Variants in ENTPD7 observed in about 807,000 individuals in gnomAD.
ENTPD7 encodes the protein ectonucleoside triphosphate diphosphohydrolase 7.
In ENTPD7, 53 loss-of-function variants were observed where a neutral mutation model predicts 77.9. The observed-to-expected ratio is 0.68, with a 90% CI of 0.55 to 0.85. The LOEUF is 0.85. ENTPD7 is among the 40% of genes least tolerant of loss of function. The probability of loss-of-function intolerance (pLI) is 0.00; values close to 1 mark genes in which losing one functional copy is unlikely to be tolerated. For synonymous variants in ENTPD7, 248 were observed against 274.9 expected (o/e 0.90, Z 0.97); for missense variants, 636 against 743.7 (o/e 0.86, Z 1.68).
intron 11 of ENTPD7, among the ~76,000 whole-genome samples, chr10:99,701,906 G>T (rs745522796): frequency 6.6e-6 from 1 of 151,854 alleles, no homozygotes; most frequent in Non-Finnish European, 1.5e-5. Flanking sequence ...AAATTAGCAG[G>T]GTTTGGTGGC....
At chr10:99,691,124 C>A (rs1388899539) in intron 7 of ENTPD7, among the ~76,000 whole-genome samples, 1 of 151,220 alleles carries the variant, frequency 6.6e-6, no homozygotes, top group Admixed American at 6.6e-5. Context: ...GTAGCTGGGA[C>A]TACAGGTGTG....
At chr10:99,688,813 T>G in intron 7 of ENTPD7, 63 bp downstream of exon 7, 1 of 1,497,740 alleles carries the variant, frequency 6.7e-7, no homozygotes, top group South Asian at 1.2e-5. Flanking sequence ...TTATAACCTA[T>G]CAGTAGCATG....
chr10:99,698,935 TGCAAAGG>T, intron 10 of ENTPD7, 77 bp downstream of exon 10: 2 of 1,347,534 alleles, frequency 1.5e-6, no homozygotes, highest in East Asian at 2.3e-5. Context: ...CCAGGTGCTG[TGCAAAGG>T]GCTTTGCATA....
chr10:99,670,231 A>G (rs971278925), intron 3 of ENTPD7, among the ~76,000 whole-genome samples: 6 of 152,228 alleles, frequency 3.9e-5, no homozygotes, highest in African/African-American at 1.4e-4. Flanking sequence ...CAAGTGGCTA[A>G]TTAAATTTAA....
At position 99,705,557 on chromosome 10, in the gene ENTPD7, A is replaced by T. The variant is rs1266324032; in HGVS notation, c.*874A>T. 1 of 152,224 alleles carries T rather than the reference A, an allele frequency of 6.6e-6. No homozygotes were observed. Among genetic ancestry groups the T allele is most frequent in the East Asian group, 1.9e-4 (1 of 5,198 alleles). The allele number at this position is 152,224 out of a possible 1,614,324, so 9.4% of individuals were successfully genotyped here. On this transcript the variant is annotated 3_prime_UTR_variant, in exon 13 of 13. Coordinates refer to ENST00000370489, the MANE Select transcript of ENTPD7 (RefSeq NM_020354.5). ...CTGTTTTTGTGAGCCCTTACACAGG[A>T]AGATATAAAGAGAGTTCTTTCATTT... is the stretch of plus-strand genomic sequence containing the variant.
chr10:99,700,448 A>G (rs146409536), intron 10 of ENTPD7, among the ~76,000 whole-genome samples: 1,811 of 147,194 alleles, frequency 0.012, 49 homozygotes, highest in African/African-American at 0.044. Flanking sequence ...GTGTGTGTTT[A>G]TTGTCTGTCT....
At chr10:99,672,267 G>A (rs2133449333) in intron 3 of ENTPD7, among the ~76,000 whole-genome samples, 1 of 149,644 alleles carries the variant, frequency 6.7e-6, no homozygotes, top group Middle Eastern at 3.8e-3. Flanking sequence ...TTACAGGCAT[G>A]AGCCACTGTG....
At chr10:99,697,693 T>C (rs1193827382) in intron 9 of ENTPD7, 3 of 159,926 alleles carry the variant, frequency 1.9e-5, no homozygotes, top group African/African-American at 4.8e-5. Flanking sequence ...TGTTGTAAAG[T>C]GTTCTGTTGT....
Position 99,695,936 on chromosome 10 carries a change from C to T in ENTPD7, c.844-20C>T, listed in dbSNP as rs1370959510. ...CAACCAAAACTAAAATTCCCTTTTT[C>T]TCTTGGTATTGTATTATAGGAAGAA... On this transcript the variant is annotated intron_variant, in intron 8 of 12. Coordinates refer to ENST00000370489, the MANE Select transcript of ENTPD7 (RefSeq NM_020354.5). 11 of 1,575,566 alleles carry T rather than the reference C, an allele frequency of 7.0e-6. No homozygotes were observed. In the Admixed American group the frequency reaches 7.7e-5, roughly 11 times the overall value.
At chr10:99,677,359 C>CTTTTTTTTTTTT (rs560338561) in intron 3 of ENTPD7, among the ~76,000 whole-genome samples, 4 of 93,806 alleles carry the variant, frequency 4.3e-5, no homozygotes, top group East Asian at 3.1e-4. Context: ...GGGCAGATAG[C>CTTTTTTTTTTTT]TTTTTTTTTT....
intron 3 of ENTPD7, among the ~76,000 whole-genome samples, chr10:99,662,797 G>A (rs1333583238): frequency 6.6e-6 from 1 of 152,186 alleles, no homozygotes; most frequent in Non-Finnish European, 1.5e-5. Flanking sequence ...CCAGACCCAG[G>A]GCTTATATAG....
intron 8 of ENTPD7, among the ~76,000 whole-genome samples, chr10:99,692,893 G>A (rs567165288): frequency 1.3e-5 from 2 of 152,288 alleles, no homozygotes; most frequent in East Asian, 3.9e-4. Flanking sequence ...TTGTGTGACT[G>A]TGATCTGATC....
rs200840103 is a variant in ENTPD7, at chr10:99,704,642, G to A, written c.1774G>A (p.Glu592Lys). 1 of 1,614,060 alleles carries A rather than the reference G, an allele frequency of 6.2e-7. No homozygotes were observed. Among genetic ancestry groups the A allele is most frequent in the Admixed American group, 1.7e-5 (1 of 60,016 alleles). ...AGCTCCATTGGACTTGCTGTGGCTT[G>A]AAGAGGTGGTGCCCATGATGGGAGT... is the stretch of plus-strand genomic sequence containing the variant. ...ASAPLDLLWLEEVVPMMGVQV... is the reference protein window; with the variant it reads ...ASAPLDLLWLKEVVPMMGVQV... Residue 592 changes from glutamate to lysine, a missense_variant, in exon 13 of 13, where the codon GAA becomes AAA. This residue lies in a region of ENTPD7 where 138 missense variants were observed against 150.9 expected (regional missense o/e 0.91). Coordinates refer to ENST00000370489, the MANE Select transcript of ENTPD7 (RefSeq NM_020354.5).
intron 5 of ENTPD7, 51 bp from the exon 6 acceptor site, chr10:99,685,741 T>G: frequency 1.5e-6 from 2 of 1,366,964 alleles, no homozygotes; most frequent in Non-Finnish European, 2.1e-6. Context: ...AGGCAGTTTA[T>G]GAGAAGAGAG....
rs1356832319 is a variant in ENTPD7 at position 99,704,573 on chromosome 10, C to CT, written c.1707dup (p.Leu570SerfsTer23). The CT allele has an allele frequency of 1.1e-5, 17 of 1,614,068 alleles. No homozygotes were observed. The highest frequency in any genetic ancestry group is 1.4e-5 in the Non-Finnish European group (17 of 1,180,050). ...GGTGCTACTGGCCATCTTCCTATAC[C>CT]TTCTGCGGCTACGCCGAATTCACCA... On this transcript the variant is annotated frameshift_variant, in exon 13 of 13. Transcript: ENST00000370489. LOFTEE classifies it high-confidence loss of function.
Position 99,707,794 on chromosome 10 carries a change from T to C in ENTPD7, c.*3111T>C. 6.6e-6 allele frequency among the ~76,000 whole-genome samples: 1 copy of C among 152,204 alleles called. No individual in the cohort carries two copies. The highest frequency in any genetic ancestry group is 1.9e-4 in the East Asian group (1 of 5,204). On this transcript the variant is annotated 3_prime_UTR_variant, in exon 13 of 13. Coordinates refer to ENST00000370489, the MANE Select transcript of ENTPD7 (RefSeq NM_020354.5). ...TAATGAAAAATATGTAAAATACCCA[T>C]TTATGTGGCATTTCATTCACTTAAG...
intron 3 of ENTPD7, among the ~76,000 whole-genome samples, chr10:99,673,244 A>T (rs913150663): frequency 6.6e-6 from 1 of 152,198 alleles, no homozygotes; most frequent in Non-Finnish European, 1.5e-5. Flanking sequence ...CTAGTGTGGC[A>T]TCGGCAAAAC....
chr10:99,672,768 A>T (rs564129574), intron 3 of ENTPD7, among the ~76,000 whole-genome samples: 2 of 152,144 alleles, frequency 1.3e-5, no homozygotes, highest in African/African-American at 4.8e-5. Context: ...CTGTAATATC[A>T]TTATATTTGG....
In ENTPD7 at chr10:99,710,194, A is replaced by G; in HGVS notation, c.*5511A>G. On this transcript the variant is annotated 3_prime_UTR_variant, in exon 13 of 13. Transcript: ENST00000370489. ...CTTTCCTAAGTGGCCCCTCCTACAG[A>G]GCACTTGCCGGCATTTGGCCTGCTG... The G allele has an allele frequency of 1.0e-6, 1 of 985,324 alleles. No homozygotes were observed. Among genetic ancestry groups the G allele is most frequent in the Non-Finnish European group, 1.2e-6 (1 of 829,920 alleles). The allele number at this position is 985,324 out of a possible 1,614,324, so 61.0% of individuals were successfully genotyped here.
Sources: gnomAD v4.1 joint callset for allele counts (sites outside exome capture counted in the v4.1 genomes callset) on GRCh38, gnomAD v4.1.1 for gene constraint, gnomAD v4.1.1 regional missense constraint, MANE v1.5 for transcripts, NCBI Gene and HGNC (gene_info 2026-07-23, HGNC 2026-07-21) for gene names.